Variants in SGCD observed in about 807,000 individuals in gnomAD.
The protein encoded by SGCD is delta-sarcoglycan.
A neutral mutation model predicts 36.6 loss-of-function variants in SGCD; 18 were observed. The observed-to-expected ratio is 0.49, with a 90% CI of 0.34 to 0.73. The LOEUF (loss-of-function observed/expected upper bound fraction) is 0.73, where lower values mean the gene tolerates loss of function less well. Among genes scored for constraint, SGCD ranks in the 30% least tolerant of loss-of-function variants. SGCD has a pLI of 0.01. For missense variants in SGCD, 387 were observed against 346.7 expected (o/e 1.12, Z -0.92); for synonymous variants, 133 against 130.6 (o/e 1.02, Z -0.12).
At chr5:155,946,858 C>T (rs1243800513) in intron 1 of SGCD, among the ~76,000 whole-genome samples, 1 of 152,086 alleles carries the variant, frequency 6.6e-6, no homozygotes, top group Non-Finnish European at 1.5e-5. Context: ...GGTGATGGCA[C>T]ATTATAACAA....
At chr5:156,273,125 G>A (rs1766223285) in intron 3 of SGCD, among the ~76,000 whole-genome samples, 1 of 152,152 alleles carries the variant, frequency 6.6e-6, no homozygotes, top group Non-Finnish European at 1.5e-5. Context: ...GTCAGTGAAG[G>A]GGATATTGGG....
chr5:155,999,398 C>G (rs976748011), intron 1 of SGCD, among the ~76,000 whole-genome samples: 1 of 152,216 alleles, frequency 6.6e-6, no homozygotes, highest in Non-Finnish European at 1.5e-5. Flanking sequence ...GGACTCAATA[C>G]ATGGTTGGTA....
rs1402204711 is a variant in SGCD, at chr5:156,761,378, A to AC, written c.*1992dup. On this transcript the variant is annotated 3_prime_UTR_variant, in exon 9 of 9. Transcript: ENST00000337851. The stretch of plus-strand genomic sequence containing the variant: ...TGGGCTGGTCACTCTTAGGGGTGAG[A>AC]CCCCGTGATTGGTTGGTTTGTAGCA... 6.6e-6 allele frequency: 1 copy of AC among 152,080 alleles called. No individual in the cohort carries two copies. The highest frequency in any genetic ancestry group is 2.4e-5 in the African/African-American group (1 of 41,400). The allele number at this position is 152,080 out of a possible 1,614,324, so 9.4% of individuals were successfully genotyped here. A position where few individuals can be genotyped will look rare whatever the true frequency, so the allele number is the denominator to read the frequency against.
chr5:156,538,263 ATGT>A (rs1426019804), intron 4 of SGCD, among the ~76,000 whole-genome samples: 2 of 152,176 alleles, frequency 1.3e-5, no homozygotes, highest in Non-Finnish European at 2.9e-5. Flanking sequence ...CAATGAAAGG[ATGT>A]TGTTTCTAAT....
chr5:156,209,352 C>G (rs1764375742), intron 3 of SGCD, among the ~76,000 whole-genome samples: 1 of 152,168 alleles, frequency 6.6e-6, no homozygotes, highest in South Asian at 2.1e-4. Context: ...ATCAGGCTAG[C>G]TATTATGGAT....
At chr5:155,803,333 G>T in the SGCD span, among the ~76,000 whole-genome samples, 2 of 152,200 alleles carry the variant, frequency 1.3e-5, no homozygotes, top group Non-Finnish European at 2.9e-5. Context: ...CATCAGACAG[G>T]AATGAGAATA....
intron 2 of SGCD, among the ~76,000 whole-genome samples, chr5:156,332,530 G>A (rs1008031257): frequency 5.3e-5 from 8 of 152,276 alleles, no homozygotes; most frequent in East Asian, 1.9e-4. Context: ...GAAAGCAGAC[G>A]GTTATTTGAG....
intron 3 of SGCD, among the ~76,000 whole-genome samples, chr5:156,406,790 T>TTATATA (rs200600544): frequency 0.026 from 1,928 of 75,104 alleles, 26 homozygotes; most frequent in Non-Finnish European, 0.029. Flanking sequence ...ATAGGAGATT[T>TTATATA]TATATATATA....
intron 7 of SGCD, among the ~76,000 whole-genome samples, chr5:156,656,781 T>C (rs1332354345): frequency 1.3e-5 from 2 of 152,160 alleles, no homozygotes; most frequent in Non-Finnish European, 2.9e-5. Flanking sequence ...ATTACTCTGT[T>C]ACTGTTTATT....
chr5:156,526,658 C>T (rs182786965), intron 4 of SGCD, among the ~76,000 whole-genome samples: 66 of 152,286 alleles, frequency 4.3e-4, no homozygotes, highest in Non-Finnish European at 8.2e-4. Context: ...CCCATCTGTA[C>T]TATGAAGCCA....
intron 1 of SGCD, among the ~76,000 whole-genome samples, chr5:155,905,353 A>AC (rs1394808766): frequency 1.3e-5 from 2 of 152,124 alleles, no homozygotes; most frequent in Non-Finnish European, 1.5e-5. Flanking sequence ...ATTATTAGTT[A>AC]CTTTTTTTTT....
At chr5:156,261,182 C>A (rs1765851580) in intron 3 of SGCD, among the ~76,000 whole-genome samples, 1 of 151,950 alleles carries the variant, frequency 6.6e-6, no homozygotes, top group Non-Finnish European at 1.5e-5. Flanking sequence ...TGGAATTGGC[C>A]TTTTCAATGT....
intron 1 of SGCD, among the ~76,000 whole-genome samples, chr5:155,952,081 T>A (rs1757559593): frequency 1.3e-5 from 2 of 152,178 alleles, no homozygotes; most frequent in Admixed American, 6.5e-5. Context: ...AAAGAAAGAA[T>A]AAACAGGTGT....
At chr5:155,787,687 G>C in the SGCD span, among the ~76,000 whole-genome samples, 2 of 152,130 alleles carry the variant, frequency 1.3e-5, no homozygotes, top group Non-Finnish European at 2.9e-5. Context: ...AGATTGCCAA[G>C]GCTCTTGAAA....
At chr5:156,196,386 G>A (rs975770436) in intron 3 of SGCD, among the ~76,000 whole-genome samples, 1 of 152,168 alleles carries the variant, frequency 6.6e-6, no homozygotes, top group African/African-American at 2.4e-5. Context: ...CATATCAGCT[G>A]GAGAATAGAC....
intron 3 of SGCD, among the ~76,000 whole-genome samples, chr5:156,125,598 C>CT (rs892319368): frequency 5.9e-5 from 9 of 151,562 alleles, no homozygotes; most frequent in Admixed American, 2.6e-4. Context: ...ATAACTTTGT[C>CT]TTTTTTTTAC....
chr5:156,329,731 C>T lies in SGCD; in HGVS notation c.3+152C>T, dbSNP rs149323169. Among the ~76,000 whole-genome samples, 1,946 of 152,132 alleles carry T rather than the reference C, an allele frequency of 0.013. 49 individuals are homozygous for T. The highest frequency in any genetic ancestry group is 0.045 in the African/African-American group (1,865 of 41,508). On this transcript the variant is annotated intron_variant, in intron 2 of 8. Coordinates refer to ENST00000337851, the MANE Select transcript of SGCD (RefSeq NM_000337.6). The stretch of plus-strand genomic sequence containing the variant: ...ATTTTACTTTTTTATTTTAAAAAAT[C>T]TGCAGGCCAGGCACGGTGGCTCACG...
At chr5:155,731,691 T>C in the SGCD span, among the ~76,000 whole-genome samples, 1 of 152,238 alleles carries the variant, frequency 6.6e-6, no homozygotes, top group Admixed American at 6.5e-5. Flanking sequence ...GAGTGTTGGC[T>C]CACTGACAAT....
At chr5:156,356,613 G>A (rs186351166) in intron 3 of SGCD, among the ~76,000 whole-genome samples, 2 of 152,294 alleles carry the variant, frequency 1.3e-5, no homozygotes, top group East Asian at 3.9e-4. Flanking sequence ...TCTTCATGGG[G>A]GAATTGCAAA....
Sources: gnomAD v4.1 joint callset for allele counts (sites outside exome capture counted in the v4.1 genomes callset) on GRCh38, gnomAD v4.1.1 for gene constraint, MANE v1.5 for transcripts, NCBI Gene and HGNC (gene_info 2026-07-23, HGNC 2026-07-21) for gene names.